MRC2: variants seen among roughly 807,000 people sequenced by gnomAD.
MRC2 encodes C-type mannose receptor 2.
Under a neutral mutation model 206.2 loss-of-function variants are expected in MRC2, and 84 were observed. The ratio of observed to expected loss-of-function variants is 0.41; its 90% CI spans 0.34 to 0.49. The LOEUF (loss-of-function observed/expected upper bound fraction) is 0.49. MRC2 is among the 20% of genes least tolerant of loss of function. MRC2 has a pLI of 0.31. For missense variants in MRC2, 1,676 were observed against 2,001.5 expected (o/e 0.84, Z 3.10); for synonymous variants, 798 against 800.0 (o/e 1.00, Z 0.04).
chr17:62,672,191 C>T lies in MRC2; in HGVS notation c.1461+39C>T, dbSNP rs1160922631. On this transcript the variant is annotated intron_variant, in intron 8 of 29. Coordinates refer to ENST00000303375, the MANE Select transcript of MRC2 (RefSeq NM_006039.5). The surrounding 1 kb of genome is among the most constrained non-coding windows in gnomAD (Gnocchi z 4.5). ...CTCCCTATCACAGGGCCACAAAATA[C>T]ACCCCCAACCTCCAGGTGCCACCCC... 9 of 1,610,866 alleles carry T rather than the reference C, an allele frequency of 5.6e-6. No homozygotes were observed. Among genetic ancestry groups the T allele is most frequent in the Non-Finnish European group, 7.6e-6 (9 of 1,177,812 alleles).
chr17:62,690,232 C>G lies in MRC2; in HGVS notation c.3819C>G (p.Phe1273Leu). The change falls in exon 26 of 30, where the codon TTC becomes TTG. Residue 1273 changes from phenylalanine (F) to leucine (L), a missense_variant. Physicochemically the swap from Phe to Leu is conservative, Grantham distance 22. This residue lies in a region of MRC2 where 1,354 missense variants were observed against 1,636.6 expected (regional missense o/e 0.83). Coordinates refer to ENST00000303375, the MANE Select transcript of MRC2 (RefSeq NM_006039.5). ...TGGCAGACTCCGCGTGGATTCCCTT[C>G]CGGGAGCACTGCTATTCTTTCCACA... ...QGLADSAWIP[F>L]REHCYSFHME... The G allele has an allele frequency of 6.2e-7, 1 of 1,613,486 alleles. No individual in the cohort carries two copies. Among genetic ancestry groups the G allele is most frequent in the South Asian group, 1.1e-5 (1 of 91,080 alleles).
intron 1 of MRC2, among the ~76,000 whole-genome samples, chr17:62,639,230 G>C (rs2088367622): frequency 6.6e-6 from 1 of 152,112 alleles, no homozygotes; most frequent in Admixed American, 6.5e-5. Flanking sequence ...CAGCTACTCA[G>C]TTGGGGAGGG....
intron 1 of MRC2, among the ~76,000 whole-genome samples, chr17:62,661,207 G>A (rs1258716403): frequency 6.6e-6 from 1 of 152,218 alleles, no homozygotes; most frequent in African/African-American, 2.4e-5. Context: ...ACCAGATCAT[G>A]TTAAATTGTG....
rs1468719540 is a variant in MRC2 at position 62,661,569 on chromosome 17, CTTCCTTCA to C, written c.119-2971_119-2964del. 218 of 115,068 alleles carry C rather than the reference CTTCCTTCA, an allele frequency of 1.9e-3. 2 individuals are homozygous for C. The highest frequency in any genetic ancestry group is 7.2e-3 in the African/African-American group (211 of 29,340). The allele number at this position is 115,068 out of a possible 1,614,324, so 7.1% of individuals were successfully genotyped here. A position where few individuals can be genotyped will look rare whatever the true frequency, so the allele number is the denominator to read the frequency against. The stretch of plus-strand genomic sequence containing the variant: ...CTTTCTCTTTCTTTCTTTCTCCTTC[CTTCCTTCA>C]TTCCTTCCTTCCTTCCTTCCTTCCT... On this transcript the variant is annotated intron_variant, in intron 1 of 29. Transcript: ENST00000303375.
intron 1 of MRC2, among the ~76,000 whole-genome samples, chr17:62,630,479 GA>G (rs1317601534): frequency 7.9e-5 from 12 of 152,184 alleles, no homozygotes; most frequent in Admixed American, 7.8e-4. Flanking sequence ...TGTCTGGAGA[GA>G]GGCAGGAAGG....
rs559166468 is a variant in MRC2, at chr17:62,688,848, C to G, written c.3226-4C>G. 27 of 1,608,132 alleles carry G rather than the reference C, an allele frequency of 1.7e-5. No homozygotes were observed. The East Asian group carries it at 3.6e-4, about 21-fold the overall frequency. ...GGCTCCCCTGAGCAGCTCCCTCCCC[C>G]CAGACCAGCTGTGCAGTGGTCCTGC... On this transcript the variant is annotated splice_polypyrimidine_tract_variant and splice_region_variant and intron_variant, in intron 22 of 29. Coordinates refer to ENST00000303375, the MANE Select transcript of MRC2 (RefSeq NM_006039.5).
At chr17:62,668,541 C>T (rs948855027) in intron 6 of MRC2, among the ~76,000 whole-genome samples, 9 of 152,054 alleles carry the variant, frequency 5.9e-5, no homozygotes, top group South Asian at 2.1e-4. Flanking sequence ...CAGTCAGGCC[C>T]GCCCCAGAGT....
At chr17:62,648,972 G>A (rs1210855270) in intron 1 of MRC2, among the ~76,000 whole-genome samples, 1 of 152,210 alleles carries the variant, frequency 6.6e-6, no homozygotes, top group Admixed American at 6.5e-5. Flanking sequence ...TGCTCCCCAG[G>A]TACAGAGGGA....
At chr17:62,660,093 G>A (rs372641687) in intron 1 of MRC2, among the ~76,000 whole-genome samples, 2 of 152,160 alleles carry the variant, frequency 1.3e-5, no homozygotes, top group Admixed American at 6.5e-5. Context: ...TTTAGACTAA[G>A]GGAAAATTAT....
In MRC2 at chr17:62,680,098, AC is replaced by A. The variant is rs1343744083; in HGVS notation, c.2299-70del. On this transcript the variant is annotated intron_variant, in intron 14 of 29. Transcript: ENST00000303375. The surrounding 1 kb of genome is among the most constrained non-coding windows in gnomAD (Gnocchi z 4.8). ...GCAGCTCAGGCCAGGCCTCTTGTTC[AC>A]CTGTTCCGGGCATGGGGGCGGCCTG... 6.3e-7 allele frequency: 1 copy of A among 1,597,504 alleles called. No homozygotes were observed.
intron 2 of MRC2, among the ~76,000 whole-genome samples, chr17:62,665,798 CTGTGGGTGACT>C (rs2088745520): frequency 6.6e-6 from 1 of 152,212 alleles, no homozygotes; most frequent in South Asian, 2.1e-4. Context: ...GCTCAGCCCT[CTGTGGGTGACT>C]TGGAGGCCCT....
chr17:62,667,560 G>A lies in MRC2; in HGVS notation c.1117+27G>A, dbSNP rs772896448. On this transcript the variant is annotated intron_variant, in intron 6 of 29. Transcript: ENST00000303375. The surrounding 1 kb of genome is among the most constrained non-coding windows in gnomAD (Gnocchi z 4.1). ...TGAGCCAGGGACTGTGCCGCAGGGTGGGGAGGGGCTCCCAGGGCCAGGGAC... is the reference window on the plus strand; with the variant it reads ...TGAGCCAGGGACTGTGCCGCAGGGTAGGGAGGGGCTCCCAGGGCCAGGGAC... The A allele has an allele frequency of 3.3e-5, 52 of 1,585,270 alleles. No homozygotes were observed. The highest frequency in any genetic ancestry group is 1.9e-5 in the Admixed American group (1 of 53,082).
At chr17:62,665,828 G>A (rs76009571) in intron 2 of MRC2, among the ~76,000 whole-genome samples, 1,879 of 152,326 alleles carry the variant, frequency 0.012, 49 homozygotes, top group African/African-American at 0.042. Context: ...CTCTTGCCCA[G>A]CTGGAGTTTG....
intron 1 of MRC2, among the ~76,000 whole-genome samples, chr17:62,642,263 G>A (rs932874676): frequency 6.6e-6 from 1 of 152,054 alleles, no homozygotes; most frequent in Non-Finnish European, 1.5e-5. Context: ...TTTGTAAAAC[G>A]TCCCACAGTC....
rs143442592 is a variant in MRC2 at position 62,666,812 on chromosome 17, G to C, written c.915G>C (p.Thr305=). The C allele has an allele frequency of 1.2e-6, 2 of 1,613,624 alleles. No individual in the cohort carries two copies. The highest frequency in any genetic ancestry group is 1.7e-6 in the Non-Finnish European group (2 of 1,179,938). The change falls in exon 5 of 30, where the codon ACG becomes ACC. Residue 305 remains threonine, a synonymous_variant. Transcript: ENST00000303375. This position sits in a 1 kb window ranked among gnomAD's most constrained non-coding sequence, Gnocchi z 5.0. ...TLWIGLNDLD[T]SGGWQWSDNS... is the part of the protein sequence containing the mutation. ...GGATCGGCTTGAATGACTTGGACAC[G>C]AGCGGAGGCTGGCAGTGGTCGGACA... is the stretch of plus-strand genomic sequence containing the variant.
rs1200560423 is a variant in MRC2, at chr17:62,667,559, T to G, written c.1117+26T>G. On this transcript the variant is annotated intron_variant, in intron 6 of 29. Coordinates refer to ENST00000303375, the MANE Select transcript of MRC2 (RefSeq NM_006039.5). This position sits in a 1 kb window ranked among gnomAD's most constrained non-coding sequence, Gnocchi z 4.1. ...GTGAGCCAGGGACTGTGCCGCAGGG[T>G]GGGGAGGGGCTCCCAGGGCCAGGGA... 6.3e-7 allele frequency: 1 copy of G among 1,585,082 alleles called. No homozygotes were observed. The highest frequency in any genetic ancestry group is 8.5e-7 in the Non-Finnish European group (1 of 1,172,060).
chr17:62,670,344 C>CTTG (rs1044097827), intron 6 of MRC2, among the ~76,000 whole-genome samples: 19 of 152,250 alleles, frequency 1.2e-4, no homozygotes, highest in African/African-American at 4.6e-4. Context: ...AGCCTCAGGT[C>CTTG]TTAGCTCATT....
At chr17:62,678,297 G>C (rs766661655) in intron 12 of MRC2, among the ~76,000 whole-genome samples, 8 of 152,202 alleles carry the variant, frequency 5.3e-5, no homozygotes, top group Non-Finnish European at 7.3e-5. Context: ...GTCAGGGGAT[G>C]GGGCTCAGGG....
chr17:62,684,177 A>C (rs185809247), intron 20 of MRC2, among the ~76,000 whole-genome samples: 49 of 152,364 alleles, frequency 3.2e-4, no homozygotes, highest in Admixed American at 2.5e-3. Flanking sequence ...ATTTCAAAAC[A>C]TGCATTTCAT....
Sources: allele counts gnomAD v4.1 joint callset (sites outside exome capture counted in the v4.1 genomes callset), GRCh38; gene constraint gnomAD v4.1.1; regional missense constraint gnomAD v4.1.1; non-coding constraint Gnocchi (gnomAD v3.1); transcripts MANE v1.5; gene names NCBI Gene and HGNC (gene_info 2026-07-23, HGNC 2026-07-21).